Variants in PDE4D observed in about 807,000 individuals in gnomAD.
The protein encoded by PDE4D is phosphodiesterase 4D.
PDE4D carries 24 observed loss-of-function variants against 87.4 expected under a neutral mutation model. The observed-to-expected ratio is 0.27, with a 90% CI of 0.20 to 0.39. PDE4D has a LOEUF of 0.39. Ranked by LOEUF, PDE4D falls within the 10% of genes least tolerant of loss-of-function variation. The pLI is 1.00. For missense variants in PDE4D, 714 were observed against 1,041.0 expected, an observed-to-expected ratio of 0.69 and a Z score of 4.32; for synonymous variants, 384 against 383.2, an observed-to-expected ratio of 1.00 and a Z score of -0.02.
chr5:60,098,981 C>T (rs921761672), intron 2 of PDE4D, among the ~76,000 whole-genome samples: 1 of 151,992 alleles, frequency 6.6e-6, no homozygotes, highest in African/African-American at 2.4e-5. Flanking sequence ...TCTCTTAAGG[C>T]AGGTCTAGTG....
intron 2 of PDE4D, among the ~76,000 whole-genome samples, chr5:60,007,544 C>T (rs1764609887): frequency 6.6e-6 from 1 of 151,952 alleles, no homozygotes; most frequent in Non-Finnish European, 1.5e-5. Context: ...AACTGGCAAA[C>T]TGCTTTCTCA....
At position 60,429,236 on chromosome 5, in the gene PDE4D, T is replaced by C. The variant is rs146326005; in HGVS notation, c.-90+58706A>G. ...GCTCTTTCACTTCACTGGTTAGCTA[T>C]ATTTCTAGATATGTTATTTTTTGTG... is the stretch of plus-strand genomic sequence containing the variant. On this transcript the variant is annotated intron_variant, in intron 1 of 16. Transcript: ENST00000502484. Among the ~76,000 whole-genome samples the C allele has an allele frequency of 9.2e-4, 140 of 152,364 alleles. 2 individuals are homozygous for C. The highest frequency in any genetic ancestry group is 3.3e-3 in the African/African-American group (139 of 41,588).
chr5:59,469,787 A>G (rs1802163018), intron 1 of PDE4D, among the ~76,000 whole-genome samples: 1 of 152,114 alleles, frequency 6.6e-6, no homozygotes, highest in Admixed American at 6.5e-5. Flanking sequence ...AAGAGGAGAG[A>G]ACATCCACGT....
At chr5:60,498,280 G>A (rs560923659) in intron 1 of PDE4D, among the ~76,000 whole-genome samples, 1 of 152,098 alleles carries the variant, frequency 6.6e-6, no homozygotes, top group East Asian at 1.9e-4. Flanking sequence ...AGAGGAAAAT[G>A]AGGCCCACAA....
intron 1 of PDE4D, among the ~76,000 whole-genome samples, chr5:59,391,957 T>C (rs988970111): frequency 6.7e-6 from 1 of 148,284 alleles, no homozygotes; most frequent in Admixed American, 6.8e-5. Flanking sequence ...TATTTCTATA[T>C]ATTACATATA....
rs542391251 is a variant in PDE4D, at chr5:59,428,803, T to A, written c.456-212835A>T. Among the ~76,000 whole-genome samples the A allele has an allele frequency of 2.6e-5, 4 of 152,288 alleles. No individual in the cohort carries two copies. The South Asian group carries it at 8.3e-4, about 32-fold the overall frequency. The stretch of plus-strand genomic sequence containing the variant: ...ATTTATCCTTTCGTAGAATGAAAGC[T>A]CCAGATGTAATAAGTTAACTTTTTA... On this transcript the variant is annotated intron_variant, in intron 1 of 14. Transcript: ENST00000340635.
At chr5:59,178,677 C>T (rs1266833003) in intron 5 of PDE4D, among the ~76,000 whole-genome samples, 2 of 152,198 alleles carry the variant, frequency 1.3e-5, no homozygotes, top group African/African-American at 2.4e-5. Flanking sequence ...ACAATTTCCA[C>T]TGGTACCTGA....
chr5:60,312,801 T>C (rs1430786823), intron 1 of PDE4D, among the ~76,000 whole-genome samples: 1 of 152,080 alleles, frequency 6.6e-6, no homozygotes, highest in Non-Finnish European at 1.5e-5. Context: ...ACATGAAAAA[T>C]AAGCAACCTG....
chr5:60,287,513 T>C (rs1400024619), intron 1 of PDE4D, among the ~76,000 whole-genome samples: 2 of 152,200 alleles, frequency 1.3e-5, no homozygotes, highest in African/African-American at 4.8e-5. Flanking sequence ...GTTTAGTATC[T>C]TGTATATAGG....
chr5:59,867,086 C>A (rs1163019484), intron 1 of PDE4D, among the ~76,000 whole-genome samples: 1 of 152,032 alleles, frequency 6.6e-6, no homozygotes, highest in African/African-American at 2.4e-5. Context: ...CACAGGTCAC[C>A]TATATCTGGG....
intron 1 of PDE4D, among the ~76,000 whole-genome samples, chr5:60,369,210 A>G (rs1677443684): frequency 1.3e-5 from 2 of 151,558 alleles, no homozygotes; most frequent in African/African-American, 4.9e-5. Flanking sequence ...CCAGCCTGAC[A>G]GCACAGATGT....
At chr5:59,645,593 C>T (rs1426503542) in intron 1 of PDE4D, among the ~76,000 whole-genome samples, 2 of 152,106 alleles carry the variant, frequency 1.3e-5, no homozygotes, top group East Asian at 1.9e-4. Flanking sequence ...GGTGTAGCTT[C>T]CACGAACACA....
chr5:60,381,880 G>A (rs1761884978), intron 1 of PDE4D, among the ~76,000 whole-genome samples: 1 of 152,128 alleles, frequency 6.6e-6, no homozygotes, highest in South Asian at 2.1e-4. Flanking sequence ...ACAGCAAGGA[G>A]TTGAACACAA....
intron 1 of PDE4D, among the ~76,000 whole-genome samples, chr5:59,758,203 T>C (rs1761521214): frequency 6.6e-6 from 1 of 152,154 alleles, no homozygotes; most frequent in South Asian, 2.1e-4. Flanking sequence ...CTTGGTTATG[T>C]AAGAACTTTT....
At chr5:60,166,102 T>A (rs1295818231) in intron 2 of PDE4D, among the ~76,000 whole-genome samples, 2 of 152,170 alleles carry the variant, frequency 1.3e-5, no homozygotes, top group South Asian at 4.1e-4. Flanking sequence ...AATTTATTTA[T>A]TTATTTATTT....
chr5:60,094,294 G>T (rs1284044538), intron 2 of PDE4D, among the ~76,000 whole-genome samples: 3 of 152,076 alleles, frequency 2.0e-5, no homozygotes, highest in Admixed American at 2.0e-4. Context: ...AAAGTTGAAG[G>T]TAACCTAAAT....
intron 1 of PDE4D, among the ~76,000 whole-genome samples, chr5:60,287,365 G>T (rs1420954617): frequency 6.6e-6 from 1 of 152,148 alleles, no homozygotes; most frequent in Non-Finnish European, 1.5e-5. Context: ...CCCTCGTATT[G>T]CTGTGTAGGA....
chr5:59,134,181 A>G (rs140071671), intron 5 of PDE4D, among the ~76,000 whole-genome samples: 1 of 148,122 alleles, frequency 6.8e-6, no homozygotes, highest in African/African-American at 2.5e-5. Context: ...TTGATCAAAA[A>G]CTGTGAGATT....
intron 1 of PDE4D, among the ~76,000 whole-genome samples, chr5:59,496,700 C>T (rs911823646): frequency 3.3e-5 from 5 of 152,144 alleles, no homozygotes; most frequent in Non-Finnish European, 7.3e-5. Context: ...CTGCGCTAGC[C>T]ACTGAAGGGG....
Sources: allele counts gnomAD v4.1 joint callset (sites outside exome capture counted in the v4.1 genomes callset), GRCh38; gene constraint gnomAD v4.1.1; transcripts MANE v1.5; gene names NCBI Gene and HGNC (gene_info 2026-07-23, HGNC 2026-07-21).